The following EIF5A2 variants were observed in gnomAD, a reference collection of about 807,000 sequenced individuals.
EIF5A2 encodes eukaryotic translation initiation factor 5A2.
In EIF5A2, 15 loss-of-function variants were observed where a neutral mutation model predicts 16.4. The observed-to-expected ratio is 0.92, with a 90% confidence interval of 0.61 to 1.41. The LOEUF (loss-of-function observed/expected upper bound fraction) is 1.41. EIF5A2 is among the 40% of genes most tolerant of loss of function. EIF5A2 has a pLI of 0.00. For synonymous variants in EIF5A2, 48 were observed against 61.1 expected, an observed-to-expected ratio of 0.79 and a Z score of 1.00; for missense variants, 144 against 189.5, an observed-to-expected ratio of 0.76 and a Z score of 1.41.
intron 3 of EIF5A2, among the ~76,000 whole-genome samples, chr3:170,901,871 G>A (rs1419080736): frequency 1.3e-5 from 2 of 152,020 alleles, no homozygotes; most frequent in African/African-American, 4.8e-5. Context: ...TAGCACTCTT[G>A]TGCTACTTCC....
intron 3 of EIF5A2, among the ~76,000 whole-genome samples, chr3:170,896,448 G>A (rs973527004): frequency 1.3e-5 from 2 of 152,158 alleles, no homozygotes; most frequent in African/African-American, 4.8e-5. Context: ...GAGGGAGCTG[G>A]TGGGACGCAA....
In EIF5A2 at chr3:170,893,292, C is replaced by T; in HGVS notation, c.*68G>A. On this transcript the variant is annotated 3_prime_UTR_variant, in exon 5 of 5. Coordinates refer to ENST00000295822, the MANE Select transcript of EIF5A2 (RefSeq NM_020390.6). ...CTTATGAAGGCTATAGCTTTGGTGA[C>T]AACTTAGAACCAAATTAGATCTGCA... The T allele has an allele frequency of 6.5e-7, 1 of 1,540,624 alleles. No homozygotes were observed. The highest frequency in any genetic ancestry group is 1.2e-5 in the South Asian group (1 of 83,686).
chr3:170,889,288 A>G lies in EIF5A2; in HGVS notation c.*4072T>C, dbSNP rs1358840130. The G allele has an allele frequency of 2.6e-5, 4 of 152,382 alleles. No homozygotes were observed. The highest frequency in any genetic ancestry group is 9.7e-5 in the African/African-American group (4 of 41,420). The allele number at this position is 152,382 out of a possible 1,614,324, so 9.4% of individuals were successfully genotyped here. A position where few individuals can be genotyped will look rare whatever the true frequency, so the allele number is the denominator to read the frequency against. On this transcript the variant is annotated 3_prime_UTR_variant, in exon 5 of 5. Coordinates refer to ENST00000295822, the MANE Select transcript of EIF5A2 (RefSeq NM_020390.6). ...TGTTCAGATGTTTGTTTAATGGAAA[A>G]ACATTAAATTACATATTGGCTTCAA...
intron 3 of EIF5A2, among the ~76,000 whole-genome samples, chr3:170,896,633 C>G (rs1712681183): frequency 6.6e-6 from 1 of 152,144 alleles, no homozygotes; most frequent in Non-Finnish European, 1.5e-5. Context: ...CCATGTGGAA[C>G]TGTGACTCAA....
rs1263465953 is a variant in EIF5A2, at chr3:170,888,580, A to G, written c.*4780T>C. On this transcript the variant is annotated 3_prime_UTR_variant, in exon 5 of 5. Transcript: ENST00000295822. Reference sequence around the variant, plus strand: ...AATTTTAACTATTTTTGAAATGTAAAATGTACAATTAGTAATACCCATACT... The same window carrying G: ...AATTTTAACTATTTTTGAAATGTAAGATGTACAATTAGTAATACCCATACT... The G allele has an allele frequency of 6.6e-6, 1 of 152,562 alleles. No individual in the cohort carries two copies. The highest frequency in any genetic ancestry group is 1.5e-5 in the Non-Finnish European group (1 of 67,994). 9.5% of individuals were successfully genotyped at this position (152,562 alleles called of 1,614,324 possible). A position where few individuals can be genotyped will look rare whatever the true frequency, so the allele number is the denominator to read the frequency against.
At chr3:170,902,414 T>C (rs79306691) in intron 3 of EIF5A2, among the ~76,000 whole-genome samples, 4 of 143,652 alleles carry the variant, frequency 2.8e-5, no homozygotes, top group African/African-American at 1.1e-4. Flanking sequence ...TTTTTTTTTT[T>C]TTTTTTTTGA....
chr3:170,894,797 C>A (rs559954205), intron 3 of EIF5A2, among the ~76,000 whole-genome samples: 2 of 150,476 alleles, frequency 1.3e-5, no homozygotes, highest in African/African-American at 4.9e-5. Context: ...GAGGCCGAGG[C>A]GGGCGGATCA....
At chr3:170,895,283 C>T (rs1267163754) in intron 3 of EIF5A2, among the ~76,000 whole-genome samples, 2 of 151,574 alleles carry the variant, frequency 1.3e-5, no homozygotes, top group African/African-American at 4.9e-5. Context: ...TTTTGGTCTT[C>T]AGTCAACAAC....
chr3:170,894,261 T>G (rs369764846), intron 4 of EIF5A2, 31 bp downstream of exon 4: 8 of 1,602,822 alleles, frequency 5.0e-6, no homozygotes, highest in Non-Finnish European at 6.8e-6. Context: ...ATAAAATGGT[T>G]TTCAAAAATA....
rs1203613446 is a variant in EIF5A2, at chr3:170,890,583, G to A, written c.*2777C>T. The A allele has an allele frequency of 6.6e-6, 1 of 152,024 alleles. No homozygotes were observed. The highest frequency in any genetic ancestry group is 1.9e-4 in the East Asian group (1 of 5,194). The allele number at this position is 152,024 out of a possible 1,614,324, so 9.4% of individuals were successfully genotyped here. A position where few individuals can be genotyped will look rare whatever the true frequency, so the allele number is the denominator to read the frequency against. On this transcript the variant is annotated 3_prime_UTR_variant, in exon 5 of 5. Coordinates refer to ENST00000295822, the MANE Select transcript of EIF5A2 (RefSeq NM_020390.6). ...ATATGATCTATGTTGTAGCAAATAA[G>A]GTATAACAAAGTCTTCACAGTATAA...
chr3:170,907,615 C>A, intron 2 of EIF5A2, 27 bp downstream of exon 2: 1 of 1,557,760 alleles, frequency 6.4e-7, no homozygotes, highest in Non-Finnish European at 8.8e-7. Context: ...ACGCCGAAGC[C>A]AAAGCCTGAT....
At chr3:170,897,610 G>A (rs1712705071) in intron 3 of EIF5A2, among the ~76,000 whole-genome samples, 1 of 152,240 alleles carries the variant, frequency 6.6e-6, no homozygotes, top group South Asian at 2.1e-4. Context: ...GAAGGCAAGA[G>A]TTGAGGTTTG....
rs574761600 is a variant in EIF5A2 at position 170,897,623 on chromosome 3, A to G, written c.271-3200T>C. The stretch of plus-strand genomic sequence containing the variant: ...CAGAAGGCAAGAGTTGAGGTTTGGG[A>G]GCCTCCGCCTAGATTTCAGAGGATG... On this transcript the variant is annotated intron_variant, in intron 3 of 4. Transcript: ENST00000295822. Among the ~76,000 whole-genome samples, 19 of 152,242 alleles carry G rather than the reference A, an allele frequency of 1.2e-4. No individual in the cohort carries two copies. The South Asian group carries it at 3.9e-3, about 32-fold the overall frequency.
At chr3:170,907,559 T>A in intron 2 of EIF5A2, 83 bp downstream of exon 2, 1 of 1,389,070 alleles carries the variant, frequency 7.2e-7, no homozygotes, top group Non-Finnish European at 9.5e-7. Context: ...ATTTTAAGTA[T>A]AGAAATCTCA....
At chr3:170,899,932 CA>C (rs1278227549) in intron 3 of EIF5A2, among the ~76,000 whole-genome samples, 1 of 149,848 alleles carries the variant, frequency 6.7e-6, no homozygotes, top group Non-Finnish European at 1.5e-5. Context: ...TGTTTTTGAA[CA>C]TTTTTTTTTT....
Position 170,907,771 on chromosome 3 carries a change from G to A in EIF5A2, c.36C>T (p.Ala12=). ...GCATAGGGTAAGTGCTGGAAGCCCC[G>A]GCATCTCCAGTAGTGAAATCAATTT... ...ADEIDFTTGD[A]GASSTYPMQC... is the part of the protein sequence containing the mutation. Residue 12 remains alanine, a synonymous_variant, in exon 2 of 5, where the codon GCC becomes GCT. Coordinates refer to ENST00000295822, the MANE Select transcript of EIF5A2 (RefSeq NM_020390.6). 1 of 1,580,010 alleles carries A rather than the reference G, an allele frequency of 6.3e-7. No individual in the cohort carries two copies. The highest frequency in any genetic ancestry group is 8.7e-7 in the Non-Finnish European group (1 of 1,154,158).
At chr3:170,894,500 A>T in intron 3 of EIF5A2, 77 bp from the exon 4 acceptor site, 2 of 1,256,920 alleles carry the variant, frequency 1.6e-6, no homozygotes, top group Non-Finnish European at 2.3e-6. Context: ...GTTAAATTGC[A>T]ATTGATATTA....
At chr3:170,897,458 G>A (rs116526679) in intron 3 of EIF5A2, among the ~76,000 whole-genome samples, 2,947 of 152,250 alleles carry the variant, frequency 0.019, 52 homozygotes, top group Non-Finnish European at 0.031. Context: ...GTATAGCCTC[G>A]GGACTTGGTG....
At chr3:170,908,391 C>A (rs945972796) in intron 1 of EIF5A2, among the ~76,000 whole-genome samples, 152 bp downstream of exon 1, 3 of 152,194 alleles carry the variant, frequency 2.0e-5, no homozygotes, top group African/African-American at 7.2e-5. Flanking sequence ...AGGGCCTGAG[C>A]CCCGGCGGGT....
Sources: allele counts gnomAD v4.1 joint callset (sites outside exome capture counted in the v4.1 genomes callset), GRCh38; gene constraint gnomAD v4.1.1; transcripts MANE v1.5; gene names NCBI Gene and HGNC (gene_info 2026-07-23, HGNC 2026-07-21).